SLCO1C1: variants seen among roughly 807,000 people sequenced by gnomAD.
SLCO1C1 encodes solute carrier organic anion transporter family member 1C1, also known as OAT-RP-5.
In SLCO1C1, 70 loss-of-function variants were observed where a neutral mutation model predicts 76.4. The ratio of observed to expected loss-of-function variants is 0.92; its 90% CI spans 0.76 to 1.12. The LOEUF is 1.12. SLCO1C1 is among the 50% of genes most tolerant of loss of function. SLCO1C1 has a pLI of 0.00. For synonymous variants in SLCO1C1, 306 were observed against 286.1 expected (o/e 1.07, Z -0.70); for missense variants, 912 against 823.8 (o/e 1.11, Z -1.31).
intron 14 of SLCO1C1, chr12:20,750,994 AC>A: frequency 4.1e-6 from 4 of 978,934 alleles, no homozygotes; most frequent in South Asian, 1.9e-5. Context: ...CATTACCTTG[AC>A]CCCCATTTTA....
intron 11 of SLCO1C1, among the ~76,000 whole-genome samples, chr12:20,738,288 T>C (rs780151354): frequency 1.3e-5 from 2 of 152,158 alleles, no homozygotes; most frequent in Non-Finnish European, 2.9e-5. Context: ...TCAGCACACC[T>C]TTCCATTCCT....
rs914145136 is a variant in SLCO1C1 at position 20,740,207 on chromosome 12, G to T, written c.1572G>T (p.Val524=). 1 of 1,611,900 alleles carries T rather than the reference G, an allele frequency of 6.2e-7. No homozygotes were observed. The highest frequency in any genetic ancestry group is 1.3e-5 in the African/African-American group (1 of 74,792). ...KNIIFYNCTC[V]GIAASKSGNS... is the part of the protein sequence containing the mutation. ...AGATATTTTACAACTGCACTTGTGT[G>T]GGAATTGCAGCTTCTAAATCCGGAA... The change falls in exon 12 of 15, where the codon GTG becomes GTT. Residue 524 remains valine (V), a synonymous_variant. Coordinates refer to ENST00000266509, the MANE Select transcript of SLCO1C1 (RefSeq NM_017435.5).
At chr12:20,708,505 G>A (rs957504566) in intron 4 of SLCO1C1, among the ~76,000 whole-genome samples, 4 of 152,030 alleles carry the variant, frequency 2.6e-5, no homozygotes, top group Admixed American at 6.6e-5. Flanking sequence ...GTGGGTTGGG[G>A]GTGGTTGCAG....
Position 20,752,608 on chromosome 12 carries a change from A to C in SLCO1C1, c.*80A>C. Reference sequence around the variant, plus strand: ...TAAATTGTAATCAAAAGAGCTCTAAATTTGTAATTTCTTTCTCCTTTCAAA... The same window carrying C: ...TAAATTGTAATCAAAAGAGCTCTAACTTTGTAATTTCTTTCTCCTTTCAAA... On this transcript the variant is annotated 3_prime_UTR_variant, in exon 15 of 15. Coordinates refer to ENST00000266509, the MANE Select transcript of SLCO1C1 (RefSeq NM_017435.5). 1.7e-6 allele frequency: 2 copies of C among 1,195,118 alleles called. No individual in the cohort carries two copies. The highest frequency in any genetic ancestry group is 2.3e-6 in the Non-Finnish European group (2 of 871,608). 74.0% of individuals were successfully genotyped at this position (1,195,118 alleles called of 1,614,324 possible). A position where few individuals can be genotyped will look rare whatever the true frequency, so the allele number is the denominator to read the frequency against.
chr12:20,739,243 CA>C (rs1948687905), intron 11 of SLCO1C1, among the ~76,000 whole-genome samples: 1 of 152,086 alleles, frequency 6.6e-6, no homozygotes. Flanking sequence ...AATAACAAAG[CA>C]GCAGTTTCTG....
At chr12:20,712,313 T>C (rs1947148188) in intron 5 of SLCO1C1, among the ~76,000 whole-genome samples, 1 of 152,184 alleles carries the variant, frequency 6.6e-6, no homozygotes, top group African/African-American at 2.4e-5. Flanking sequence ...TCTATATCAC[T>C]GTAGACACTG....
intron 9 of SLCO1C1, among the ~76,000 whole-genome samples, chr12:20,732,105 A>G (rs1405452875): frequency 6.6e-6 from 1 of 152,194 alleles, no homozygotes; most frequent in Non-Finnish European, 1.5e-5. Context: ...AGTGTTGTTT[A>G]CAGCTCACAG....
chr12:20,725,397 T>C (rs1021095290), intron 9 of SLCO1C1, among the ~76,000 whole-genome samples: 1 of 145,370 alleles, frequency 6.9e-6, no homozygotes, highest in African/African-American at 2.5e-5. Context: ...ATATATGATA[T>C]ATGGTAATAC....
At chr12:20,698,574 A>AGGT (rs769482027) in intron 1 of SLCO1C1, among the ~76,000 whole-genome samples, 19 of 152,074 alleles carry the variant, frequency 1.2e-4, no homozygotes, top group Non-Finnish European at 2.5e-4. Flanking sequence ...CATAAAGTCA[A>AGGT]GGTGATATAC....
At position 20,731,763 on chromosome 12, in the gene SLCO1C1, T is replaced by G. The variant is rs139422378; in HGVS notation, c.1187-1146T>G. Among the ~76,000 whole-genome samples the G allele has an allele frequency of 6.8e-3, 1,040 of 152,352 alleles. 8 individuals carry two copies. Among genetic ancestry groups the G allele is most frequent in the South Asian group, 0.023 (112 of 4,830 alleles). On this transcript the variant is annotated intron_variant, in intron 9 of 14. Coordinates refer to ENST00000266509, the MANE Select transcript of SLCO1C1 (RefSeq NM_017435.5). ...TACAATCCAACAAATGGCACCAAAGTGCCTCTTTTCCCAAGTCTTTTGCAA... is the reference window on the plus strand; with the variant it reads ...TACAATCCAACAAATGGCACCAAAGGGCCTCTTTTCCCAAGTCTTTTGCAA...
chr12:20,722,037 G>C lies in SLCO1C1; in HGVS notation c.1009G>C (p.Glu337Gln), dbSNP rs1329680100. ...TPQGENAKIM[E>Q]MARDFLPSLK... ...CCAGGGAGAAAATGCAAAAATAATGGAAATGGCAAGAGGTAAGTCAAATTC... is the reference window on the plus strand; with the variant it reads ...CCAGGGAGAAAATGCAAAAATAATGCAAATGGCAAGAGGTAAGTCAAATTC... Residue 337 changes from glutamate (E) to glutamine (Q), a missense_variant, in exon 8 of 15, where the codon GAA becomes CAA. Transcript: ENST00000266509. 1 of 1,613,052 alleles carries C rather than the reference G, an allele frequency of 6.2e-7. No homozygotes were observed. Among genetic ancestry groups the C allele is most frequent in the African/African-American group, 1.3e-5 (1 of 74,864 alleles).
At position 20,701,438 on chromosome 12, in the gene SLCO1C1, A is replaced by G; in HGVS notation, c.250A>G (p.Ile84Val). 6.6e-7 allele frequency: 1 copy of G among 1,514,948 alleles called. No individual in the cohort carries two copies. The highest frequency in any genetic ancestry group is 1.3e-5 in the South Asian group (1 of 76,752). The allele number at this position is 1,514,948 out of a possible 1,614,324, so 93.8% of individuals were successfully genotyped here. The change falls in exon 3 of 15, where the codon ATT (isoleucine) becomes GTT (valine). Residue 84 changes from isoleucine (I) to valine (V), a missense_variant. By Grantham distance (29) the Ile-to-Val change is conservative. Transcript: ENST00000266509. ...FDIPSSLVGVIDGSFEIGNLL... is the reference protein window; with the variant it reads ...FDIPSSLVGVVDGSFEIGNLL... Reference sequence around the variant, plus strand: ...TATCCCTTCTTCACTGGTGGGAGTTATTGATGGTAGTTTTGAAATTGGTAG... The same window carrying G: ...TATCCCTTCTTCACTGGTGGGAGTTGTTGATGGTAGTTTTGAAATTGGTAG...
intron 5 of SLCO1C1, among the ~76,000 whole-genome samples, chr12:20,713,370 C>T (rs1947223621): frequency 6.6e-6 from 1 of 152,144 alleles, no homozygotes; most frequent in Non-Finnish European, 1.5e-5. Flanking sequence ...TGAGCCACCG[C>T]GCCCGGCCAG....
chr12:20,727,939 G>C (rs1364733698), intron 9 of SLCO1C1, among the ~76,000 whole-genome samples: 1 of 152,206 alleles, frequency 6.6e-6, no homozygotes, highest in Non-Finnish European at 1.5e-5. Context: ...CAAATGCATA[G>C]TTCGTGAATG....
intron 7 of SLCO1C1, among the ~76,000 whole-genome samples, chr12:20,721,005 A>AG (rs1947638145): frequency 6.6e-6 from 1 of 151,736 alleles, no homozygotes; most frequent in African/African-American, 2.4e-5. Context: ...CTCAAAAAAA[A>AG]AAAAAAAAAA....
At chr12:20,725,349 T>C (rs1315764642) in intron 9 of SLCO1C1, among the ~76,000 whole-genome samples, 2 of 136,608 alleles carry the variant, frequency 1.5e-5, no homozygotes, top group Non-Finnish European at 3.1e-5. Context: ...ATATTAAAAT[T>C]TATAGTATAT....
intron 11 of SLCO1C1, among the ~76,000 whole-genome samples, chr12:20,738,624 C>T (rs572898604): frequency 1.2e-4 from 18 of 152,156 alleles, no homozygotes; most frequent in African/African-American, 4.3e-4. Flanking sequence ...CTTTTCTTTG[C>T]TTTCTTCCTT....
At position 20,701,425 on chromosome 12, in the gene SLCO1C1, A is replaced by G. The variant is rs757355400; in HGVS notation, c.237A>G (p.Ser79=). The G allele has an allele frequency of 2.5e-5, 39 of 1,546,848 alleles. No homozygotes were observed. The South Asian group carries it at 4.0e-4, about 16-fold the overall frequency. ...AGAGAAGGTTTGATATCCCTTCTTC[A>G]CTGGTGGGAGTTATTGATGGTAGTT... is the stretch of plus-strand genomic sequence containing the variant. ...QIERRFDIPS[S]LVGVIDGSFE... The change falls in exon 3 of 15, where the codon TCA becomes TCG. Residue 79 remains serine, a synonymous_variant. Coordinates refer to ENST00000266509, the MANE Select transcript of SLCO1C1 (RefSeq NM_017435.5).
chr12:20,739,389 T>C (rs1328092958), intron 11 of SLCO1C1, among the ~76,000 whole-genome samples: 1 of 147,518 alleles, frequency 6.8e-6, no homozygotes, highest in African/African-American at 2.6e-5. Context: ...ATGGGAGTTG[T>C]TTTTTTTTGT....
Sources: allele counts gnomAD v4.1 joint callset (sites outside exome capture counted in the v4.1 genomes callset), GRCh38; gene constraint gnomAD v4.1.1; transcripts MANE v1.5; gene names NCBI Gene and HGNC (gene_info 2026-07-23, HGNC 2026-07-21).